The following MEF2A variants were observed in gnomAD, a reference collection of about 807,000 sequenced individuals.
MEF2A encodes the protein myocyte enhancer factor 2A.
A neutral mutation model predicts 55.8 loss-of-function variants in MEF2A; 28 were observed. The observed-to-expected ratio is 0.50, with a 90% CI of 0.37 to 0.69. The LOEUF is 0.69. MEF2A is among the 30% of genes least tolerant of loss of function. MEF2A has a pLI of 0.00. For synonymous variants in MEF2A, 239 were observed against 227.1 expected (o/e 1.05, Z -0.47); for missense variants, 528 against 626.2 (o/e 0.84, Z 1.67).
intron 4 of MEF2A, among the ~76,000 whole-genome samples, chr15:99,667,279 T>C (rs1403716556): frequency 6.6e-6 from 1 of 152,184 alleles, no homozygotes; most frequent in Admixed American, 6.5e-5. Context: ...TGGAGTGCAG[T>C]GGCACGATCT....
At chr15:99,571,970 A>AT (rs1962496874) in intron 1 of MEF2A, among the ~76,000 whole-genome samples, 1 of 148,098 alleles carries the variant, frequency 6.8e-6, no homozygotes, top group African/African-American at 2.5e-5. Flanking sequence ...TACTGCAGTA[A>AT]TTTTCTAAGT....
At chr15:99,616,447 G>A (rs2040203988) in intron 2 of MEF2A, among the ~76,000 whole-genome samples, 1 of 151,972 alleles carries the variant, frequency 6.6e-6, no homozygotes, top group Non-Finnish European at 1.5e-5. Flanking sequence ...GAAGACAAAT[G>A]GAAATTAAGT....
chr15:99,575,176 T>C (rs1963883423), intron 1 of MEF2A, among the ~76,000 whole-genome samples: 1 of 152,236 alleles, frequency 6.6e-6, no homozygotes, highest in African/African-American at 2.4e-5. Flanking sequence ...CTTACATTAG[T>C]ATGGGGGATT....
chr15:99,678,549 A>G, intron 7 of MEF2A: 1 of 573,350 alleles, frequency 1.7e-6, no homozygotes, highest in Non-Finnish European at 2.2e-6. Context: ...TCATTTTCAA[A>G]TACGTAATTT....
intron 2 of MEF2A, among the ~76,000 whole-genome samples, chr15:99,601,743 T>C (rs1330568293): frequency 6.6e-6 from 1 of 151,940 alleles, no homozygotes; most frequent in Non-Finnish European, 1.5e-5. Context: ...CTTGCTAAAA[T>C]TGCGTTGACT....
intron 6 of MEF2A, among the ~76,000 whole-genome samples, chr15:99,675,063 CTCTCTCT>C (rs2051680514): frequency 2.0e-5 from 3 of 152,116 alleles, no homozygotes; most frequent in Non-Finnish European, 4.4e-5. Context: ...GCAGTGTCTC[CTCTCTCT>C]TAAGTCCTAG....
chr15:99,666,137 C>G (rs1223000943), intron 4 of MEF2A, among the ~76,000 whole-genome samples: 2 of 152,080 alleles, frequency 1.3e-5, no homozygotes, highest in Non-Finnish European at 2.9e-5. Flanking sequence ...CACGTGCACA[C>G]ATACGTTTAC....
chr15:99,573,149 G>T (rs185901833), intron 1 of MEF2A, among the ~76,000 whole-genome samples: 8 of 152,222 alleles, frequency 5.3e-5, no homozygotes, highest in South Asian at 2.1e-4. Context: ...TTAGCCGGGC[G>T]TGGTGGTGGG....
intron 3 of MEF2A, among the ~76,000 whole-genome samples, chr15:99,643,808 G>A (rs989522491): frequency 6.6e-6 from 1 of 151,924 alleles, no homozygotes; most frequent in Non-Finnish European, 1.5e-5. Flanking sequence ...AGCCAAGATG[G>A]TCTCCATCTC....
intron 2 of MEF2A, among the ~76,000 whole-genome samples, chr15:99,626,532 A>G (rs2042081104): frequency 6.6e-6 from 1 of 151,700 alleles, no homozygotes; most frequent in South Asian, 2.1e-4. Context: ...CCTTTGGGGG[A>G]AAATCACAGC....
intron 3 of MEF2A, among the ~76,000 whole-genome samples, chr15:99,639,418 T>G (rs2044483665): frequency 6.6e-6 from 1 of 152,234 alleles, no homozygotes; most frequent in South Asian, 2.1e-4. Flanking sequence ...TTGAGATCCA[T>G]CTGCTCTCAT....
chr15:99,605,526 C>T (rs1974753150), intron 2 of MEF2A, among the ~76,000 whole-genome samples: 1 of 152,196 alleles, frequency 6.6e-6, no homozygotes, highest in East Asian at 1.9e-4. Context: ...ATTTGTTCAA[C>T]ACATTTACAG....
intron 5 of MEF2A, among the ~76,000 whole-genome samples, chr15:99,673,533 G>T (rs192758534): frequency 6.6e-6 from 1 of 152,042 alleles, no homozygotes; most frequent in Non-Finnish European, 1.5e-5. Flanking sequence ...TAAAATGAGG[G>T]CAGAGTAAAG....
intron 2 of MEF2A, among the ~76,000 whole-genome samples, chr15:99,618,226 C>T (rs760755416): frequency 1.3e-5 from 2 of 152,104 alleles, no homozygotes; most frequent in South Asian, 2.1e-4. Flanking sequence ...TAAGAAGGAT[C>T]GAGAATCACT....
At chr15:99,571,817 A>G (rs1383055886) in intron 1 of MEF2A, among the ~76,000 whole-genome samples, 10 of 152,060 alleles carry the variant, frequency 6.6e-5, no homozygotes, top group Non-Finnish European at 1.5e-4. Flanking sequence ...AACTTAAGAT[A>G]TTATTCTTGA....
At chr15:99,593,883 A>G (rs562135885) in intron 1 of MEF2A, among the ~76,000 whole-genome samples, 4 of 152,240 alleles carry the variant, frequency 2.6e-5, no homozygotes, top group Admixed American at 1.3e-4. Context: ...ATTAAAAAAG[A>G]TGTTTTGTTT....
rs539257955 is a variant in MEF2A, at chr15:99,705,666, C to T, written c.883-1063C>T. Among the ~76,000 whole-genome samples the T allele has an allele frequency of 2.6e-5, 4 of 152,290 alleles. No homozygotes were observed. In the South Asian group the frequency reaches 8.3e-4, roughly 32 times the overall value. ...CTCATCGAATGTTTGTAAGTGTCTA[C>T]ATCTAGCCAAAGGCCTTTTTGTCTG... On this transcript the variant is annotated intron_variant, in intron 9 of 11. Coordinates refer to ENST00000557942, the MANE Select transcript of MEF2A (RefSeq NM_001319206.4).
At chr15:99,708,140 G>A (rs977851720) in intron 10 of MEF2A, among the ~76,000 whole-genome samples, 1 of 152,224 alleles carries the variant, frequency 6.6e-6, no homozygotes, top group South Asian at 2.1e-4. Context: ...TTGATCACCT[G>A]CTCTGTGAGA....
chr15:99,588,746 T>A (rs994895485), intron 1 of MEF2A, among the ~76,000 whole-genome samples: 1 of 152,038 alleles, frequency 6.6e-6, no homozygotes, highest in Non-Finnish European at 1.5e-5. Context: ...CCTGGCCAGT[T>A]TGCTGAGTTT....
Sources: gnomAD v4.1 joint callset for allele counts (sites outside exome capture counted in the v4.1 genomes callset) on GRCh38, gnomAD v4.1.1 for gene constraint, MANE v1.5 for transcripts, NCBI Gene and HGNC (gene_info 2026-07-23, HGNC 2026-07-21) for gene names.